The following EVC variants were observed in gnomAD, a reference collection of about 807,000 sequenced individuals.
EVC encodes evC complex member EVC.
In EVC, 116 loss-of-function variants were observed where a neutral mutation model predicts 118.9. The ratio of observed to expected loss-of-function variants is 0.98; its 90% CI spans 0.84 to 1.14. EVC has a LOEUF of 1.14. Ranked by LOEUF, EVC falls within the 50% of genes most tolerant of loss-of-function variation. The probability of loss-of-function intolerance (pLI) is 0.00; values close to 1 mark genes in which losing one functional copy is unlikely to be tolerated. For missense variants in EVC, 1,401 were observed against 1,246.4 expected, an observed-to-expected ratio of 1.12 and a Z score of -1.87; for synonymous variants, 619 against 534.7, an observed-to-expected ratio of 1.16 and a Z score of -2.18.
At chr4:5,773,123 G>C (rs921915191) in intron 11 of EVC, among the ~76,000 whole-genome samples, 1 of 152,206 alleles carries the variant, frequency 6.6e-6, no homozygotes, top group Non-Finnish European at 1.5e-5. Context: ...GGTGCCAGGA[G>C]ACATTTGCAA....
intron 3 of EVC, among the ~76,000 whole-genome samples, chr4:5,730,362 A>G (rs1042347784): frequency 1.3e-5 from 2 of 152,182 alleles, no homozygotes; most frequent in Non-Finnish European, 2.9e-5. Context: ...CTTGTTTAAC[A>G]CAAGCTTTAC....
intron 11 of EVC, among the ~76,000 whole-genome samples, chr4:5,765,027 C>G (rs1157986834): frequency 1.7e-5 from 2 of 118,268 alleles, no homozygotes; most frequent in African/African-American, 3.3e-5. Flanking sequence ...CCTGCTTCCT[C>G]TTGTGGGCAT....
At chr4:5,797,417 C>T (rs1714182561) in intron 14 of EVC, 185 bp downstream of exon 14, 1 of 628,790 alleles carries the variant, frequency 1.6e-6, no homozygotes, top group Non-Finnish European at 2.9e-6. Flanking sequence ...GCACACATTT[C>T]CCTGCTCACC....
chr4:5,780,210 C>A (rs1485941734), intron 11 of EVC, among the ~76,000 whole-genome samples: 3 of 152,196 alleles, frequency 2.0e-5, no homozygotes, highest in Admixed American at 2.0e-4. Flanking sequence ...TCCAGCAGCA[C>A]ATCAAAAAGC....
At chr4:5,809,107 A>G (rs1053629473) in intron 18 of EVC, among the ~76,000 whole-genome samples, 2 of 152,238 alleles carry the variant, frequency 1.3e-5, no homozygotes, top group African/African-American at 4.8e-5. Context: ...TTACGTTGCT[A>G]TCCAGGGTCA....
In EVC at chr4:5,742,775, A is replaced by G. The variant is rs865974511; in HGVS notation, c.801+961A>G. Among the ~76,000 whole-genome samples, 1 of 152,078 alleles carries G rather than the reference A, an allele frequency of 6.6e-6. No individual in the cohort carries two copies. On this transcript the variant is annotated intron_variant, in intron 6 of 20. Coordinates refer to ENST00000264956, the MANE Select transcript of EVC (RefSeq NM_153717.3). The surrounding 1 kb of genome is among the most constrained non-coding windows in gnomAD (Gnocchi z 5.2). ...ATCCTTATTGCCATCACCACCACCAATGTTGCAGGGCAGGCAAGCTCCAGA... is the reference window on the plus strand; with the variant it reads ...ATCCTTATTGCCATCACCACCACCAGTGTTGCAGGGCAGGCAAGCTCCAGA...
rs1726784673 is a variant in EVC, at chr4:5,731,379, C to T, written c.385-46C>T. On this transcript the variant is annotated intron_variant, in intron 3 of 20. Coordinates refer to ENST00000264956, the MANE Select transcript of EVC (RefSeq NM_153717.3). The surrounding 1 kb of genome is among the most constrained non-coding windows in gnomAD (Gnocchi z 5.6). ...AGAATTATGAATACTAGATCAAATCCCAGAGGCATCACATGGACTGAGTGT... is the reference window on the plus strand; with the variant it reads ...AGAATTATGAATACTAGATCAAATCTCAGAGGCATCACATGGACTGAGTGT... 2 of 1,429,636 alleles carry T rather than the reference C, an allele frequency of 1.4e-6. No homozygotes were observed. Among genetic ancestry groups the T allele is most frequent in the Admixed American group, 1.7e-5 (1 of 59,726 alleles). The allele number at this position is 1,429,636 out of a possible 1,614,324, so 88.6% of individuals were successfully genotyped here.
In EVC at chr4:5,741,706, T is replaced by G. The variant is rs1231822006; in HGVS notation, c.703-10T>G. ...CTTTTCTTTTGTTATCTTTCCTTTC[T>G]TGGCAATAGATGTTTATTCAGATTT... On this transcript the variant is annotated splice_polypyrimidine_tract_variant and intron_variant, in intron 5 of 20. Transcript: ENST00000264956. 1 of 1,511,448 alleles carries G rather than the reference T, an allele frequency of 6.6e-7. No homozygotes were observed. The highest frequency in any genetic ancestry group is 9.2e-7 in the Non-Finnish European group (1 of 1,088,348). 93.6% of individuals were successfully genotyped at this position (1,511,448 alleles called of 1,614,324 possible).
At chr4:5,828,802 AT>A in the EVC span, 5 of 1,085,014 alleles carry the variant, frequency 4.6e-6, no homozygotes, top group African/African-American at 3.3e-5. Flanking sequence ...AATACCTTTT[AT>A]TGACTGTAAT....
intron 11 of EVC, among the ~76,000 whole-genome samples, chr4:5,773,308 G>C (rs999407768): frequency 2.6e-5 from 4 of 152,152 alleles, no homozygotes; most frequent in Non-Finnish European, 1.5e-5. Context: ...ATGGGCTGCA[G>C]CTTGGCCAGC....
In EVC at chr4:5,780,075, T is replaced by C. The variant is rs111395250; in HGVS notation, c.1564-3477T>C. On this transcript the variant is annotated intron_variant, in intron 11 of 20. Transcript: ENST00000264956. ...AAGGGTTGTTGAATTTTGTCAAAGGTCTTTTCTGCATCTATTGAGATAATC... is the reference window on the plus strand; with the variant it reads ...AAGGGTTGTTGAATTTTGTCAAAGGCCTTTTCTGCATCTATTGAGATAATC... 7.7e-3 allele frequency among the ~76,000 whole-genome samples: 1,169 copies of C among 152,030 alleles called. 15 individuals carry two copies. Among genetic ancestry groups the C allele is most frequent in the African/African-American group, 0.025 (1,033 of 41,314 alleles).
Position 5,719,471 on chromosome 4 carries a change from A to G in EVC, c.300+98A>G. 1.3e-6 allele frequency: 2 copies of G among 1,573,700 alleles called. No individual in the cohort carries two copies. Among genetic ancestry groups the G allele is most frequent in the Non-Finnish European group, 1.7e-6 (2 of 1,146,694 alleles). ...TCATGTAGACAAGCCTCTGACAGAT[A>G]TAGTTTCCCAATGGGCTGCTTTTCT... On this transcript the variant is annotated intron_variant, in intron 2 of 20. Transcript: ENST00000264956. This position sits in a 1 kb window ranked among gnomAD's most constrained non-coding sequence, Gnocchi z 4.7.
Position 5,794,098 on chromosome 4 carries a change from T to C in EVC, c.1886+381T>C, listed in dbSNP as rs374589735. Among the ~76,000 whole-genome samples, 72 of 151,872 alleles carry C rather than the reference T, an allele frequency of 4.7e-4. No individual in the cohort carries two copies. The South Asian group carries it at 8.1e-3, about 17-fold the overall frequency. ...ATTGTAAAAGATTTCTTGTGCCCAA[T>C]TGCAGCCACTCCCCAATTTATTATC... On this transcript the variant is annotated intron_variant, in intron 13 of 20. Coordinates refer to ENST00000264956, the MANE Select transcript of EVC (RefSeq NM_153717.3).
intron 12 of EVC, among the ~76,000 whole-genome samples, chr4:5,786,717 C>CA (rs1482936339): frequency 6.6e-6 from 1 of 152,004 alleles, no homozygotes; most frequent in Non-Finnish European, 1.5e-5. Flanking sequence ...ACTAAAAATA[C>CA]AAAAATTAGC....
chr4:5,794,677 C>G (rs1172548407), intron 13 of EVC, among the ~76,000 whole-genome samples: 5 of 151,792 alleles, frequency 3.3e-5, no homozygotes, highest in Admixed American at 3.3e-4. Context: ...TTCCAAAGTG[C>G]TAGGATTACA....
the EVC span, chr4:5,826,890 AC>A: frequency 6.5e-6 from 1 of 152,878 alleles, no homozygotes; most frequent in African/African-American, 2.4e-5. Context: ...AAGACCCAGC[AC>A]CTGCACATCA....
intron 17 of EVC, among the ~76,000 whole-genome samples, chr4:5,805,393 G>A (rs1715700979): frequency 6.6e-6 from 1 of 152,210 alleles, no homozygotes; most frequent in African/African-American, 2.4e-5. Context: ...AGGCCTGAGC[G>A]AAGGGGCCCG....
At chr4:5,760,771 C>T (rs1481368144) in intron 11 of EVC, among the ~76,000 whole-genome samples, 7 of 152,102 alleles carry the variant, frequency 4.6e-5, no homozygotes, top group African/African-American at 1.2e-4. Flanking sequence ...AGGCTGGTCT[C>T]GAACTCCTGA....
intron 12 of EVC, among the ~76,000 whole-genome samples, chr4:5,784,347 C>G (rs1215757548): frequency 1.3e-5 from 2 of 152,068 alleles, no homozygotes; most frequent in Non-Finnish European, 2.9e-5. Context: ...GGTTGATGTT[C>G]TAAGCAGAGG....
Sources: allele counts gnomAD v4.1 joint callset (sites outside exome capture counted in the v4.1 genomes callset), GRCh38; gene constraint gnomAD v4.1.1; non-coding constraint Gnocchi (gnomAD v3.1); transcripts MANE v1.5; gene names NCBI Gene and HGNC (gene_info 2026-07-23, HGNC 2026-07-21).